Variants in TLE3 observed in about 807,000 individuals in gnomAD.
TLE3 encodes TLE family member 3, transcriptional corepressor.
TLE3 carries 14 observed loss-of-function variants against 93.0 expected under a neutral mutation model. The ratio of observed to expected loss-of-function variants is 0.15; its 90% CI spans 0.10 to 0.24. The LOEUF is 0.24. TLE3 is among the 10% of genes least tolerant of loss of function. The pLI is 1.00. For synonymous variants in TLE3, 451 were observed against 425.0 expected (o/e 1.06, Z -0.75); for missense variants, 693 against 1,046.6 (o/e 0.66, Z 4.66).
intron 4 of TLE3, among the ~76,000 whole-genome samples, chr15:70,077,793 A>C (rs2057523739): frequency 6.6e-6 from 1 of 152,250 alleles, no homozygotes; most frequent in African/African-American, 2.4e-5. Context: ...AGTGTTTCCC[A>C]GCCAGCACCA....
rs368063222 is a variant in TLE3 at position 70,056,281 on chromosome 15, G to A, written c.1328+17C>T. 23 of 1,612,840 alleles carry A rather than the reference G, an allele frequency of 1.4e-5. No homozygotes were observed. The highest frequency in any genetic ancestry group is 1.2e-4 in the African/African-American group (9 of 74,928). ...GCCCACCCTACAAAGCATGCAGTAAGTATAGCCAAAGCTTACGGTTTTCCT... is the reference window on the plus strand; with the variant it reads ...GCCCACCCTACAAAGCATGCAGTAAATATAGCCAAAGCTTACGGTTTTCCT... On this transcript the variant is annotated intron_variant, in intron 14 of 19. Coordinates refer to ENST00000451782, the MANE Select transcript of TLE3 (RefSeq NM_001105192.3).
At chr15:70,063,608 C>G (rs1350924919) in intron 8 of TLE3, among the ~76,000 whole-genome samples, 1 of 152,198 alleles carries the variant, frequency 6.6e-6, no homozygotes, top group African/African-American at 2.4e-5. Flanking sequence ...AGGTAATAAC[C>G]AAAGCCATCC....
chr15:70,086,100 C>G (rs1329918241), intron 4 of TLE3, among the ~76,000 whole-genome samples: 2 of 152,210 alleles, frequency 1.3e-5, no homozygotes, highest in Admixed American at 1.3e-4. Context: ...TAGACCCTCA[C>G]TCCAGACCAT....
chr15:70,050,296 T>A, intron 19 of TLE3, 92 bp from the exon 20 acceptor site: 1 of 958,998 alleles, frequency 1.0e-6, no homozygotes, highest in Non-Finnish European at 1.7e-6. Context: ...CAACACCATC[T>A]CGGTTCTCTC....
intron 4 of TLE3, among the ~76,000 whole-genome samples, chr15:70,083,411 G>C (rs535394091): frequency 2.6e-5 from 4 of 152,136 alleles, no homozygotes; most frequent in African/African-American, 7.2e-5. Context: ...CTACTTGTGG[G>C]GGGAGATGGC....
At chr15:70,051,901 T>C (rs897644799) in intron 18 of TLE3, among the ~76,000 whole-genome samples, 1 of 152,246 alleles carries the variant, frequency 6.6e-6, no homozygotes, top group South Asian at 2.1e-4. Flanking sequence ...GCTCTACAAG[T>C]GTTAAAGCCC....
chr15:70,050,017 G>C lies in TLE3; in HGVS notation c.*80C>G. On this transcript the variant is annotated 3_prime_UTR_variant, in exon 20 of 20. Coordinates refer to ENST00000451782, the MANE Select transcript of TLE3 (RefSeq NM_001105192.3). ...CTGCGGCCCATCCTCCGCCATCCTC[G>C]GGGCCCCTCGCCTGGGGGTCTCCCT... The C allele has an allele frequency of 7.7e-6, 10 of 1,300,850 alleles. No homozygotes were observed. The highest frequency in any genetic ancestry group is 1.0e-5 in the Non-Finnish European group (9 of 904,402). The allele number at this position is 1,300,850 out of a possible 1,614,324, so 80.6% of individuals were successfully genotyped here.
intron 4 of TLE3, 32 bp from the exon 5 acceptor site, chr15:70,076,190 G>A (rs1243081169): frequency 1.2e-6 from 2 of 1,608,440 alleles, no homozygotes; most frequent in East Asian, 2.2e-5. Flanking sequence ...ATGAAGCTCA[G>A]GCAAATAAAT....
rs142882555 is a variant in TLE3, at chr15:70,081,832, A to G, written c.235-5674T>C. 3.9e-3 allele frequency among the ~76,000 whole-genome samples: 595 copies of G among 152,336 alleles called. 9 individuals are homozygous for G. Among genetic ancestry groups the G allele is most frequent in the African/African-American group, 0.013 (561 of 41,570 alleles). On this transcript the variant is annotated intron_variant, in intron 4 of 19. Transcript: ENST00000451782. ...CCTGCCCATTTGAAAGGTGAATTAC[A>G]TTGCAAAGCCATGGGGAAGTGACGA...
chr15:70,062,149 A>G (rs2056520280), intron 8 of TLE3, among the ~76,000 whole-genome samples: 1 of 152,228 alleles, frequency 6.6e-6, no homozygotes, highest in South Asian at 2.1e-4. Context: ...TGGCAGAGTT[A>G]TCAAGCCTTG....
chr15:70,064,440 G>C lies in TLE3; in HGVS notation c.594+14C>G. ...CCCAAACACCCCTCCGGGTTCCAGA[G>C]TGCCAACACTTACCGCACTGGATTC... On this transcript the variant is annotated intron_variant, in intron 8 of 19. Coordinates refer to ENST00000451782, the MANE Select transcript of TLE3 (RefSeq NM_001105192.3). The C allele has an allele frequency of 6.2e-7, 1 of 1,613,814 alleles. No individual in the cohort carries two copies. Among genetic ancestry groups the C allele is most frequent in the Non-Finnish European group, 8.5e-7 (1 of 1,179,828 alleles).
At chr15:70,076,929 G>A (rs1425066254) in intron 4 of TLE3, among the ~76,000 whole-genome samples, 1 of 152,082 alleles carries the variant, frequency 6.6e-6, no homozygotes, top group Non-Finnish European at 1.5e-5. Flanking sequence ...CGTTGTCCAG[G>A]CTGGTTTCAA....
At chr15:70,073,730 A>G (rs558173829) in intron 6 of TLE3, among the ~76,000 whole-genome samples, 1 of 152,212 alleles carries the variant, frequency 6.6e-6, no homozygotes, top group Non-Finnish European at 1.5e-5. Context: ...AGCCTTGCCC[A>G]AAGTCACACT....
rs907501738 is a variant in TLE3, at chr15:70,097,453, TGCCGCC to T, written c.-661_-656del. ...CTGCTGTTCCGTCTGCTACTGCCGC[TGCCGCC>T]GCCGCCGCCGCCGCTGCAAGCCCTT... On this transcript the variant is annotated 5_prime_UTR_variant, in exon 1 of 20. Coordinates refer to ENST00000451782, the MANE Select transcript of TLE3 (RefSeq NM_001105192.3). 102 of 416,454 alleles carry T rather than the reference TGCCGCC, an allele frequency of 2.4e-4. No homozygotes were observed. The highest frequency in any genetic ancestry group is 7.8e-4 in the Admixed American group (18 of 22,970). 25.8% of individuals were successfully genotyped at this position (416,454 alleles called of 1,614,324 possible). A position where few individuals can be genotyped will look rare whatever the true frequency, so the allele number is the denominator to read the frequency against.
rs910635673 is a variant in TLE3 at position 70,053,121 on chromosome 15, C to T, written c.1974+106G>A. ...CTCAGGTTGGTCCCAAGTCTCTTGG[C>T]CGTGGCCACTCTGTGAGGGTCCCTT... On this transcript the variant is annotated intron_variant, in intron 17 of 19. Coordinates refer to ENST00000451782, the MANE Select transcript of TLE3 (RefSeq NM_001105192.3). 2.8e-6 allele frequency: 4 copies of T among 1,424,302 alleles called. No individual in the cohort carries two copies. The African/African-American group carries it at 4.3e-5, about 15-fold the overall frequency. 88.2% of individuals were successfully genotyped at this position (1,424,302 alleles called of 1,614,324 possible). A position where few individuals can be genotyped will look rare whatever the true frequency, so the allele number is the denominator to read the frequency against.
chr15:70,095,992 G>A, intron 2 of TLE3, 169 bp downstream of exon 2: 1 of 846,574 alleles, frequency 1.2e-6, no homozygotes, highest in Middle Eastern at 3.7e-4. Flanking sequence ...GCTGCGGGCA[G>A]TAAAGGGTTA....
At chr15:70,071,583 C>T (rs955077927) in intron 6 of TLE3, among the ~76,000 whole-genome samples, 4 of 152,322 alleles carry the variant, frequency 2.6e-5, no homozygotes, top group African/African-American at 9.6e-5. Context: ...GCCACAACCT[C>T]AGAATCTTTC....
chr15:70,053,206 G>C (rs2055703822), intron 17 of TLE3, 21 bp downstream of exon 17: 2 of 1,602,620 alleles, frequency 1.2e-6, no homozygotes, highest in Non-Finnish European at 1.7e-6. Context: ...TTTGGGAAGG[G>C]AGGAGTCTTG....
At chr15:70,065,969 G>GGCCACCCCCGCCCCCCC in intron 7 of TLE3, 45 bp downstream of exon 7, 1 of 1,294,406 alleles carries the variant, frequency 7.7e-7, no homozygotes, top group Non-Finnish European at 1.1e-6. Context: ...GAGCGCCCAT[G>GGCCACCCCCGCCCCCCC]CCCACCCCTG....
Sources: allele counts gnomAD v4.1 joint callset (sites outside exome capture counted in the v4.1 genomes callset), GRCh38; gene constraint gnomAD v4.1.1; transcripts MANE v1.5; gene names NCBI Gene and HGNC (gene_info 2026-07-23, HGNC 2026-07-21).